DTWD2: variants seen among roughly 807,000 people sequenced by gnomAD.
The protein encoded by DTWD2 is tRNA-uridine aminocarboxypropyltransferase 2.
In DTWD2, 39 loss-of-function variants were observed where a neutral mutation model predicts 31.8. The observed-to-expected ratio is 1.22, with a 90% CI of 0.95 to 1.60. The LOEUF is 1.60. Ranked by LOEUF, DTWD2 falls within the 40% of genes most tolerant of loss-of-function variation. The probability of loss-of-function intolerance (pLI) is 0.00; values close to 1 mark genes in which losing one functional copy is unlikely to be tolerated. For synonymous variants in DTWD2, 180 were observed against 142.8 expected, an observed-to-expected ratio of 1.26 and a Z score of -1.86; for missense variants, 515 against 381.5, an observed-to-expected ratio of 1.35 and a Z score of -2.92.
chr5:118,948,645 T>C (rs1025819550), intron 1 of DTWD2, among the ~76,000 whole-genome samples: 1 of 151,962 alleles, frequency 6.6e-6, no homozygotes, highest in Admixed American at 6.6e-5. Flanking sequence ...TAAGGTCAAG[T>C]TGTTTGGACA....
intron 1 of DTWD2, among the ~76,000 whole-genome samples, chr5:118,946,791 A>C (rs1754348956): frequency 6.6e-6 from 1 of 152,184 alleles, no homozygotes; most frequent in East Asian, 1.9e-4. Flanking sequence ...CCCAGGCTGG[A>C]GTGCAGTGGC....
chr5:118,914,703 T>C (rs991581421), intron 4 of DTWD2, among the ~76,000 whole-genome samples: 6 of 152,204 alleles, frequency 3.9e-5, no homozygotes, highest in Non-Finnish European at 8.8e-5. Flanking sequence ...GCACTCCAGC[T>C]TAAGCAGTAA....
intron 4 of DTWD2, among the ~76,000 whole-genome samples, chr5:118,892,504 T>G (rs1399462809): frequency 2.0e-5 from 3 of 152,150 alleles, no homozygotes; most frequent in Non-Finnish European, 4.4e-5. Flanking sequence ...ACATTTTAAT[T>G]GTTGTGATGG....
chr5:118,975,156 T>G (rs970941879), intron 1 of DTWD2, among the ~76,000 whole-genome samples: 40 of 152,256 alleles, frequency 2.6e-4, no homozygotes, highest in Middle Eastern at 3.2e-3. Context: ...CACTTTCACG[T>G]ACACCAATCA....
chr5:118,888,731 G>T (rs1752919246), intron 4 of DTWD2, among the ~76,000 whole-genome samples: 1 of 152,148 alleles, frequency 6.6e-6, no homozygotes, highest in South Asian at 2.1e-4. Flanking sequence ...AGCTATGTTT[G>T]AGAGTTTCAG....
chr5:118,940,578 T>A (rs1754156400), intron 2 of DTWD2, among the ~76,000 whole-genome samples: 1 of 152,200 alleles, frequency 6.6e-6, no homozygotes, highest in Non-Finnish European at 1.5e-5. Context: ...TTAGATATTA[T>A]CCAAAAACTA....
chr5:118,838,604 G>A lies in DTWD2; in HGVS notation c.*2313C>T, dbSNP rs186042316. ...TAGAGAAGCATTTTATACCACAGAT[G>A]ATTAAATGGACTCACCTTGTTAAGA... On this transcript the variant is annotated 3_prime_UTR_variant, in exon 6 of 6. Coordinates refer to ENST00000510708, the MANE Select transcript of DTWD2 (RefSeq NM_173666.4). 1 of 152,064 alleles carries A rather than the reference G, an allele frequency of 6.6e-6. No individual in the cohort carries two copies. Among genetic ancestry groups the A allele is most frequent in the Non-Finnish European group, 1.5e-5 (1 of 68,008 alleles). 9.4% of individuals were successfully genotyped at this position (152,064 alleles called of 1,614,324 possible). A position where few individuals can be genotyped will look rare whatever the true frequency, so the allele number is the denominator to read the frequency against.
chr5:118,956,540 T>A (rs1407023029), intron 1 of DTWD2, among the ~76,000 whole-genome samples: 1 of 152,212 alleles, frequency 6.6e-6, no homozygotes, highest in Admixed American at 6.5e-5. Context: ...ATCTGACATA[T>A]GACTAGAGAT....
At chr5:118,842,176 A>G (rs1359506586) in intron 5 of DTWD2, among the ~76,000 whole-genome samples, 2 of 152,184 alleles carry the variant, frequency 1.3e-5, no homozygotes, top group Non-Finnish European at 2.9e-5. Context: ...AAATTTATTT[A>G]TTGTGATAGT....
intron 4 of DTWD2, among the ~76,000 whole-genome samples, chr5:118,878,180 C>T (rs1437954073): frequency 6.6e-6 from 1 of 152,046 alleles, no homozygotes; most frequent in Non-Finnish European, 1.5e-5. Context: ...GCATATGGAA[C>T]CAAAAAAGAG....
At position 118,944,586 on chromosome 5, in the gene DTWD2, G is replaced by C. The variant is rs542570450; in HGVS notation, c.282C>G (p.His94Gln). The change falls in exon 2 of 6, where the codon CAC (histidine) becomes CAG (glutamine). Residue 94 changes from histidine (H) to glutamine (Q), a missense_variant. Physicochemically the swap from His to Gln is conservative, Grantham distance 24. Transcript: ENST00000510708. ...LPAHPLHIST[H>Q]LYIIQHPAEE... is the part of the protein sequence containing the mutation. ...CTGCTGGATGCTGAATTATGTACAAGTGGGTAGAGATATGCAGAGGGTGCG... is the reference window on the plus strand; with the variant it reads ...CTGCTGGATGCTGAATTATGTACAACTGGGTAGAGATATGCAGAGGGTGCG... 1 of 1,613,560 alleles carries C rather than the reference G, an allele frequency of 6.2e-7. No individual in the cohort carries two copies. The highest frequency in any genetic ancestry group is 1.1e-5 in the South Asian group (1 of 91,054).
At chr5:118,985,021 G>C (rs1328298453) in intron 1 of DTWD2, among the ~76,000 whole-genome samples, 1 of 152,016 alleles carries the variant, frequency 6.6e-6, no homozygotes, top group African/African-American at 2.4e-5. Context: ...AAATATTACA[G>C]TGGCTGGCTT....
chr5:118,914,712 A>G (rs1753534970), intron 4 of DTWD2, among the ~76,000 whole-genome samples: 1 of 152,210 alleles, frequency 6.6e-6, no homozygotes, highest in South Asian at 2.1e-4. Flanking sequence ...CTTAAGCAGT[A>G]AAGCTGGACT....
chr5:118,917,990 A>C (rs1753617041), intron 4 of DTWD2, among the ~76,000 whole-genome samples: 1 of 151,402 alleles, frequency 6.6e-6, no homozygotes, highest in African/African-American at 2.4e-5. Flanking sequence ...ATTTCATGAG[A>C]ATTCATTCAC....
chr5:118,886,480 G>C (rs558051853), intron 4 of DTWD2, among the ~76,000 whole-genome samples: 1 of 152,330 alleles, frequency 6.6e-6, no homozygotes, highest in African/African-American at 2.4e-5. Context: ...AGGAAATGCA[G>C]TTGAAAACTG....
intron 1 of DTWD2, among the ~76,000 whole-genome samples, chr5:118,947,445 G>A (rs1018065857): frequency 5.3e-5 from 8 of 152,088 alleles, no homozygotes; most frequent in African/African-American, 1.9e-4. Context: ...CGACTGTCCC[G>A]AGCTGGACTC....
At position 118,846,982 on chromosome 5, in the gene DTWD2, T is replaced by C. The variant is rs371704519; in HGVS notation, c.726+1108A>G. ...CACACACACATACACACGAAAATCC[T>C]AGTTTTTTCAAAAGAAGAAAAGTCT... On this transcript the variant is annotated intron_variant, in intron 5 of 5. Transcript: ENST00000510708. Among the ~76,000 whole-genome samples the C allele has an allele frequency of 2.0e-5, 3 of 147,842 alleles. No homozygotes were observed. The East Asian group carries it at 6.2e-4, about 30-fold the overall frequency.
At chr5:118,980,959 C>A (rs2149603825) in intron 1 of DTWD2, among the ~76,000 whole-genome samples, 1 of 152,270 alleles carries the variant, frequency 6.6e-6, no homozygotes, top group Middle Eastern at 3.4e-3. Flanking sequence ...AAGCATTCAT[C>A]AACAGATGAA....
At chr5:118,903,493 C>T (rs532527509) in intron 4 of DTWD2, among the ~76,000 whole-genome samples, 1 of 151,942 alleles carries the variant, frequency 6.6e-6, no homozygotes, top group Non-Finnish European at 1.5e-5. Flanking sequence ...TGAAAATATT[C>T]CAATTGCACA....
Sources: allele counts gnomAD v4.1 joint callset (sites outside exome capture counted in the v4.1 genomes callset), GRCh38; gene constraint gnomAD v4.1.1; transcripts MANE v1.5; gene names NCBI Gene and HGNC (gene_info 2026-07-23, HGNC 2026-07-21).